Variants in XKR4 observed in about 807,000 individuals in gnomAD.
The protein encoded by XKR4 is XK related 4, also known as XK-related protein 4.
In XKR4, 12 loss-of-function variants were observed where a neutral mutation model predicts 53.9. The ratio of observed to expected loss-of-function variants is 0.22; its 90% CI spans 0.14 to 0.36. The LOEUF (loss-of-function observed/expected upper bound fraction) is 0.36. Ranked by LOEUF, XKR4 falls within the 10% of genes least tolerant of loss-of-function variation. The pLI is 1.00. For synonymous variants in XKR4, 354 were observed against 362.4 expected, an observed-to-expected ratio of 0.98 and a Z score of 0.26; for missense variants, 799 against 859.5, an observed-to-expected ratio of 0.93 and a Z score of 0.88.
rs188156172 is a variant in XKR4, at chr8:55,198,011, T to C, written c.806+94717T>C. 1.3e-3 allele frequency among the ~76,000 whole-genome samples: 193 copies of C among 152,266 alleles called. 1 individual carries two copies. The highest frequency in any genetic ancestry group is 4.4e-3 in the African/African-American group (181 of 41,536). On this transcript the variant is annotated intron_variant, in intron 1 of 2. Coordinates refer to ENST00000327381, the MANE Select transcript of XKR4 (RefSeq NM_052898.2). Reference sequence around the variant, plus strand: ...ACTGAAGGCCTCTACACTGGCCAAGTAAAATGTTTTAATGAAAATCAAAGG... The same window carrying C: ...ACTGAAGGCCTCTACACTGGCCAAGCAAAATGTTTTAATGAAAATCAAAGG...
intron 2 of XKR4, among the ~76,000 whole-genome samples, chr8:55,383,828 A>C (rs552558268): frequency 6.6e-6 from 1 of 152,198 alleles, no homozygotes; most frequent in Non-Finnish European, 1.5e-5. Flanking sequence ...GTCTAAGGTT[A>C]TAGGAAGAAA....
intron 1 of XKR4, among the ~76,000 whole-genome samples, chr8:55,111,019 A>T (rs1016412511): frequency 3.3e-5 from 5 of 152,158 alleles, no homozygotes; most frequent in African/African-American, 1.2e-4. Flanking sequence ...TTTAACCCTA[A>T]AATAGACGGA....
At chr8:55,371,294 G>A (rs760393620) in intron 2 of XKR4, among the ~76,000 whole-genome samples, 15 of 151,968 alleles carry the variant, frequency 9.9e-5, no homozygotes, top group Non-Finnish European at 1.8e-4. Context: ...ATATGTGCCC[G>A]TGTCTGTGCA....
intron 1 of XKR4, among the ~76,000 whole-genome samples, chr8:55,332,726 T>C (rs1803398939): frequency 6.6e-6 from 1 of 152,124 alleles, no homozygotes; most frequent in Non-Finnish European, 1.5e-5. Context: ...TAGTTGGAGT[T>C]CATTCAGCTG....
At chr8:55,430,640 T>C (rs1805087773) in intron 2 of XKR4, among the ~76,000 whole-genome samples, 1 of 152,222 alleles carries the variant, frequency 6.6e-6, no homozygotes, top group African/African-American at 2.4e-5. Context: ...GTCACTATGT[T>C]AGTGCTAGGA....
intron 2 of XKR4, among the ~76,000 whole-genome samples, chr8:55,403,974 C>T (rs1173670947): frequency 1.3e-5 from 2 of 152,212 alleles, no homozygotes; most frequent in African/African-American, 2.4e-5. Flanking sequence ...CCCTGCATCA[C>T]TCGCTCTTCT....
At chr8:55,111,841 G>T (rs539813401) in intron 1 of XKR4, among the ~76,000 whole-genome samples, 2 of 152,200 alleles carry the variant, frequency 1.3e-5, no homozygotes, top group Non-Finnish European at 2.9e-5. Flanking sequence ...AGCTAGATTT[G>T]CTTTTAAATT....
intron 2 of XKR4, among the ~76,000 whole-genome samples, chr8:55,499,257 A>G (rs1444351124): frequency 6.6e-6 from 1 of 152,244 alleles, no homozygotes; most frequent in Non-Finnish European, 1.5e-5. Context: ...TTTGACATTA[A>G]GGTGACATTA....
At chr8:55,458,357 G>A (rs1805600636) in intron 2 of XKR4, among the ~76,000 whole-genome samples, 1 of 152,156 alleles carries the variant, frequency 6.6e-6, no homozygotes, top group African/African-American at 2.4e-5. Flanking sequence ...AGTGCTTCTG[G>A]GCAACCAGCA....
At position 55,524,247 on chromosome 8, in the gene XKR4, C is replaced by G. The variant is rs1035657800; in HGVS notation, c.*20C>G. Reference sequence around the variant, plus strand: ...TTATAAAGCAAAAGGAGTTGCAGGACCCACAACATCCAGATGAAGGGGTGA... The same window carrying G: ...TTATAAAGCAAAAGGAGTTGCAGGAGCCACAACATCCAGATGAAGGGGTGA... On this transcript the variant is annotated 3_prime_UTR_variant, in exon 3 of 3. Transcript: ENST00000327381. The G allele has an allele frequency of 5.0e-6, 8 of 1,593,250 alleles. No homozygotes were observed. The highest frequency in any genetic ancestry group is 6.9e-6 in the Non-Finnish European group (8 of 1,167,668).
chr8:55,442,857 G>T (rs544876239), intron 2 of XKR4, among the ~76,000 whole-genome samples: 14 of 151,862 alleles, frequency 9.2e-5, no homozygotes, highest in Non-Finnish European at 1.3e-4. Context: ...TAGAAATGTG[G>T]TTTTTTTTGC....
At chr8:55,518,801 TC>T (rs1383180274) in intron 2 of XKR4, among the ~76,000 whole-genome samples, 1 of 151,928 alleles carries the variant, frequency 6.6e-6, no homozygotes, top group Non-Finnish European at 1.5e-5. Flanking sequence ...GAGGACTGCA[TC>T]CCAAGCAATG....
At position 55,213,856 on chromosome 8, in the gene XKR4, C is replaced by CTTTTTTTTTTTTTTTTTT. The variant is rs11433893; in HGVS notation, c.806+110572_806+110589dup. 5.1e-4 allele frequency among the ~76,000 whole-genome samples: 42 copies of CTTTTTTTTTTTTTTTTTT among 82,354 alleles called. 2 individuals carry two copies. Among genetic ancestry groups the CTTTTTTTTTTTTTTTTTT allele is most frequent in the African/African-American group, 7.0e-4 (14 of 19,980 alleles). 54.0% of individuals were successfully genotyped at this position (82,354 alleles called of 152,430 possible). A position where few individuals can be genotyped will look rare whatever the true frequency, so the allele number is the denominator to read the frequency against. On this transcript the variant is annotated intron_variant, in intron 1 of 2. Coordinates refer to ENST00000327381, the MANE Select transcript of XKR4 (RefSeq NM_052898.2). ...TTAATACTTCTTTTTTTCTTTCTTT[C>CTTTTTTTTTTTTTTTTTT]TTTTTTTTTTTTTTTTTTTTTTTTT...
intron 2 of XKR4, among the ~76,000 whole-genome samples, chr8:55,411,871 C>T (rs925165477): frequency 2.4e-4 from 36 of 152,048 alleles, no homozygotes; most frequent in African/African-American, 6.0e-4. Context: ...AGGACAGTGA[C>T]GAGAAATCCT....
chr8:55,355,374 T>A (rs371181282), intron 1 of XKR4, among the ~76,000 whole-genome samples: 1 of 152,056 alleles, frequency 6.6e-6, no homozygotes, highest in African/African-American at 2.4e-5. Flanking sequence ...AGACACAGAA[T>A]AAAGCAGATA....
chr8:55,395,165 G>A (rs75925028), intron 2 of XKR4, among the ~76,000 whole-genome samples: 2,632 of 152,164 alleles, frequency 0.017, 30 homozygotes, highest in Middle Eastern at 0.037. Context: ...GCTTTATGAA[G>A]TGATTTTGGG....
At chr8:55,315,240 G>T (rs755995217) in intron 1 of XKR4, among the ~76,000 whole-genome samples, 2 of 152,202 alleles carry the variant, frequency 1.3e-5, no homozygotes, top group Non-Finnish European at 1.5e-5. Context: ...ATTCTGAGCT[G>T]CAAGGACACA....
At chr8:55,244,303 C>T (rs113430591) in intron 1 of XKR4, among the ~76,000 whole-genome samples, 96 of 152,260 alleles carry the variant, frequency 6.3e-4, no homozygotes, top group African/African-American at 2.2e-3. Context: ...CACTTATAAG[C>T]GAGAACATGT....
chr8:55,373,919 G>A (rs975872795), intron 2 of XKR4, among the ~76,000 whole-genome samples: 53 of 152,274 alleles, frequency 3.5e-4, no homozygotes, highest in African/African-American at 1.3e-3. Context: ...TTCAGAATGA[G>A]TGCAGTGATT....
Sources: allele counts gnomAD v4.1 joint callset (sites outside exome capture counted in the v4.1 genomes callset), GRCh38; gene constraint gnomAD v4.1.1; transcripts MANE v1.5; gene names NCBI Gene and HGNC (gene_info 2026-07-23, HGNC 2026-07-21).